The following GUCY2C variants were observed in gnomAD, a reference collection of about 807,000 sequenced individuals.
GUCY2C encodes guanylyl cyclase C.
In GUCY2C, 118 loss-of-function variants were observed where a neutral mutation model predicts 131.1. The ratio of observed to expected loss-of-function variants is 0.90; its 90% confidence interval spans 0.78 to 1.05. The LOEUF is 1.05. GUCY2C is among the 50% of genes least tolerant of loss of function. The pLI is 0.00. For synonymous variants in GUCY2C, 452 were observed against 457.8 expected, an observed-to-expected ratio of 0.99 and a Z score of 0.16; for missense variants, 1,161 against 1,304.4, an observed-to-expected ratio of 0.89 and a Z score of 1.69.
chr12:14,683,918 G>A (rs1948405214), intron 3 of GUCY2C, among the ~76,000 whole-genome samples: 1 of 151,938 alleles, frequency 6.6e-6, no homozygotes, highest in Non-Finnish European at 1.5e-5. Context: ...AGGCTTCTTT[G>A]ACTACTTTCC....
At chr12:14,649,738 T>A (rs1947603550) in intron 15 of GUCY2C, among the ~76,000 whole-genome samples, 2 of 152,164 alleles carry the variant, frequency 1.3e-5, no homozygotes, top group Admixed American at 1.3e-4. Flanking sequence ...TAATAATAAC[T>A]ATTTCAGGTC....
At chr12:14,693,403 C>CT (rs537054452) in intron 1 of GUCY2C, among the ~76,000 whole-genome samples, 19 of 152,130 alleles carry the variant, frequency 1.2e-4, no homozygotes, top group Non-Finnish European at 2.4e-4. Flanking sequence ...GAAGGAATCT[C>CT]TTTTTTTCAT....
At chr12:14,644,444 C>G (rs773114842) in intron 16 of GUCY2C, among the ~76,000 whole-genome samples, 88 of 152,172 alleles carry the variant, frequency 5.8e-4, no homozygotes, top group Admixed American at 9.8e-4. Context: ...GGTGTCTCAG[C>G]TGAAGCTGAT....
At chr12:14,664,575 C>T (rs1947931988) in intron 10 of GUCY2C, among the ~76,000 whole-genome samples, 1 of 152,002 alleles carries the variant, frequency 6.6e-6, no homozygotes, top group South Asian at 2.1e-4. Context: ...TTTAGATAAA[C>T]GCAGTATCAA....
chr12:14,651,612 A>C (rs921800093), intron 14 of GUCY2C, 101 bp from the exon 15 acceptor site: 1 of 680,046 alleles, frequency 1.5e-6, no homozygotes. Flanking sequence ...GATCTTTGAG[A>C]AGATGTGTTG....
At chr12:14,639,724 T>C in intron 19 of GUCY2C, 138 bp downstream of exon 19, 1 of 622,724 alleles carries the variant, frequency 1.6e-6, no homozygotes, top group Non-Finnish European at 2.9e-6. Context: ...CTGGAGGAAG[T>C]GTGGCCTTGC....
At chr12:14,626,756 G>A (rs1947026224) in intron 20 of GUCY2C, among the ~76,000 whole-genome samples, 1 of 152,118 alleles carries the variant, frequency 6.6e-6, no homozygotes, top group Admixed American at 6.5e-5. Flanking sequence ...AAGCGAAAAA[G>A]TCAGTTTATA....
At chr12:14,672,163 G>A (rs1465549520) in intron 9 of GUCY2C, 4 of 152,160 alleles carry the variant, frequency 2.6e-5, no homozygotes, top group African/African-American at 7.2e-5. Flanking sequence ...TGGTTGGCTG[G>A]AACAGTGGCT....
intron 2 of GUCY2C, 38 bp from the exon 3 acceptor site, chr12:14,686,263 A>G (rs755851319): frequency 2.8e-6 from 4 of 1,409,586 alleles, no homozygotes; most frequent in Non-Finnish European, 3.0e-6. Flanking sequence ...CCTAGAACTA[A>G]GAAAAATACT....
intron 10 of GUCY2C, 107 bp downstream of exon 10, chr12:14,669,615 A>G: frequency 1.6e-6 from 1 of 641,340 alleles, no homozygotes; most frequent in Non-Finnish European, 2.8e-6. Flanking sequence ...CTGGGACAGC[A>G]GACAAAACAC....
At chr12:14,673,296 A>G (rs371995736) in intron 8 of GUCY2C, among the ~76,000 whole-genome samples, 1 of 152,172 alleles carries the variant, frequency 6.6e-6, no homozygotes. Context: ...AGCATAGTGT[A>G]TAGGGTCACT....
intron 20 of GUCY2C, among the ~76,000 whole-genome samples, chr12:14,626,836 CG>C (rs1214479692): frequency 6.6e-6 from 1 of 152,000 alleles, no homozygotes; most frequent in East Asian, 1.9e-4. Flanking sequence ...AAACAGGTGA[CG>C]TTTTACTTTC....
intron 10 of GUCY2C, among the ~76,000 whole-genome samples, chr12:14,668,448 C>T (rs896789213): frequency 1.3e-5 from 2 of 152,150 alleles, no homozygotes; most frequent in African/African-American, 4.8e-5. Context: ...GGATTACAGG[C>T]GTGAGCCACC....
chr12:14,696,219 A>G lies in GUCY2C; in HGVS notation c.217+13T>C. ...TAACAGAGTGGAGGAAGATTCTATT[A>G]ACATTTTCTTACCAGCATTTTGCAG... On this transcript the variant is annotated intron_variant, in intron 1 of 26. Transcript: ENST00000261170. 1 of 1,597,812 alleles carries G rather than the reference A, an allele frequency of 6.3e-7. No individual in the cohort carries two copies. Among genetic ancestry groups the G allele is most frequent in the Admixed American group, 1.7e-5 (1 of 60,006 alleles).
intron 16 of GUCY2C, among the ~76,000 whole-genome samples, chr12:14,644,250 G>C (rs756175720): frequency 2.0e-5 from 3 of 152,114 alleles, no homozygotes; most frequent in Admixed American, 2.0e-4. Flanking sequence ...TTGGGAGGCC[G>C]AGCTACTCAG....
chr12:14,659,466 T>A (rs542449761), intron 11 of GUCY2C, among the ~76,000 whole-genome samples: 16 of 152,352 alleles, frequency 1.1e-4, no homozygotes, highest in Admixed American at 1.3e-4. Flanking sequence ...TTGCCTTTGC[T>A]TTTTGGTTAT....
chr12:14,681,969 A>G (rs924690762), intron 4 of GUCY2C, among the ~76,000 whole-genome samples: 5 of 152,164 alleles, frequency 3.3e-5, no homozygotes, highest in African/African-American at 1.2e-4. Context: ...TAAACCTCAC[A>G]TTAGATACTG....
chr12:14,695,886 G>A (rs1367127719), intron 1 of GUCY2C, among the ~76,000 whole-genome samples: 1 of 151,986 alleles, frequency 6.6e-6, no homozygotes, highest in Non-Finnish European at 1.5e-5. Context: ...TTGAACTCCC[G>A]GGCTCAGTGT....
At chr12:14,680,179 G>C (rs966629155) in intron 5 of GUCY2C, among the ~76,000 whole-genome samples, 3 of 152,136 alleles carry the variant, frequency 2.0e-5, no homozygotes, top group African/African-American at 7.2e-5. Flanking sequence ...TATTATAAAA[G>C]TGAGAACTGA....
Sources: allele counts gnomAD v4.1 joint callset (sites outside exome capture counted in the v4.1 genomes callset), GRCh38; gene constraint gnomAD v4.1.1; transcripts MANE v1.5; gene names NCBI Gene and HGNC (gene_info 2026-07-23, HGNC 2026-07-21).